The following LHX6 variants were observed in gnomAD, a reference collection of about 807,000 sequenced individuals.
LHX6 encodes LIM/homeobox protein Lhx6.
LHX6 carries 15 observed loss-of-function variants against 47.1 expected under a neutral mutation model. The observed-to-expected ratio is 0.32, with a 90% confidence interval of 0.21 to 0.49. The LOEUF (loss-of-function observed/expected upper bound fraction) is 0.49, where lower values mean the gene tolerates loss of function less well. Among genes scored for constraint, LHX6 ranks in the 20% least tolerant of loss-of-function variants. LHX6 has a pLI of 0.99. For synonymous variants in LHX6, 242 were observed against 233.5 expected (o/e 1.04, Z -0.33); for missense variants, 404 against 539.6 (o/e 0.75, Z 2.49).
At chr9:122,216,275 C>G (rs895837980) in intron 5 of LHX6, among the ~76,000 whole-genome samples, 9 of 152,156 alleles carry the variant, frequency 5.9e-5, no homozygotes, top group Non-Finnish European at 1.2e-4. Context: ...AGAAAGAGTC[C>G]CTGCCTCTGC....
In LHX6 at chr9:122,204,677, T is replaced by C. The variant is rs775368606; in HGVS notation, c.*83A>G. On this transcript the variant is annotated 3_prime_UTR_variant, in exon 10 of 10. Coordinates refer to ENST00000394319, the MANE Select transcript of LHX6 (RefSeq NM_014368.5). ...GTGGATGCGGAGGTGGGTGGACTCC[T>C]GGCCGCAGCTTGGACACTGGATCTC... 6.4e-7 allele frequency: 1 copy of C among 1,553,826 alleles called. No individual in the cohort carries two copies. The highest frequency in any genetic ancestry group is 8.7e-7 in the Non-Finnish European group (1 of 1,143,402).
At chr9:122,219,284 G>A (rs1003642113) in intron 4 of LHX6, among the ~76,000 whole-genome samples, 1 of 152,216 alleles carries the variant, frequency 6.6e-6, no homozygotes, top group Admixed American at 6.5e-5. Flanking sequence ...CCCTTCCGCA[G>A]GCGGCGCGGT....
Position 122,226,508 on chromosome 9 carries a change from G to C in LHX6, c.340-11C>G. 1 of 1,611,798 alleles carries C rather than the reference G, an allele frequency of 6.2e-7. No individual in the cohort carries two copies. The highest frequency in any genetic ancestry group is 1.7e-4 in the Middle Eastern group (1 of 6,026). On this transcript the variant is annotated splice_polypyrimidine_tract_variant and intron_variant, in intron 3 of 9. Transcript: ENST00000394319. This position sits in a 1 kb window ranked among gnomAD's most constrained non-coding sequence, Gnocchi z 6.5. ...GATGAGGTTGTTGACCTGGGGACGG[G>C]GCGGGGACGGAGGTCGGCTCAGCGC...
In LHX6 at chr9:122,214,078, C is replaced by G; in HGVS notation, c.784-9G>C. On this transcript the variant is annotated splice_polypyrimidine_tract_variant and intron_variant, in intron 6 of 9. Coordinates refer to ENST00000394319, the MANE Select transcript of LHX6 (RefSeq NM_014368.5). This position sits in a 1 kb window ranked among gnomAD's most constrained non-coding sequence, Gnocchi z 4.6. ...AACTGCGCCTGCATAACCTGCGGGG[C>G]GGGGAGGGCGGTGAGGCGCTCGCAC... is the stretch of plus-strand genomic sequence containing the variant. The G allele has an allele frequency of 6.3e-7, 1 of 1,597,484 alleles. No individual in the cohort carries two copies. The highest frequency in any genetic ancestry group is 2.2e-5 in the East Asian group (1 of 44,786).
At chr9:122,208,405 C>T in intron 9 of LHX6, among the ~76,000 whole-genome samples, 1 of 152,308 alleles carries the variant, frequency 6.6e-6, no homozygotes, top group Non-Finnish European at 1.5e-5. Flanking sequence ...TCTGCCTCCC[C>T]CTCCAGACTC....
At chr9:122,208,648 G>A (rs912433527) in intron 9 of LHX6, among the ~76,000 whole-genome samples, 7 of 151,898 alleles carry the variant, frequency 4.6e-5, no homozygotes, top group Admixed American at 2.0e-4. Context: ...CCTGGCCTAC[G>A]TGGCGAAACC....
intron 4 of LHX6, chr9:122,221,812 G>C (rs976100134): frequency 1.5e-6 from 1 of 683,390 alleles, no homozygotes; most frequent in African/African-American, 1.9e-5. Context: ...GCCCCACGAT[G>C]CACAGACGGG....
At chr9:122,206,237 G>C (rs955205238) in intron 9 of LHX6, among the ~76,000 whole-genome samples, 7 of 152,192 alleles carry the variant, frequency 4.6e-5, no homozygotes, top group African/African-American at 1.2e-4. Flanking sequence ...AGTGCTCAGA[G>C]CACTGTTCTC....
chr9:122,228,311 C>A (rs1487287912), intron 1 of LHX6: 1 of 1,534,822 alleles, frequency 6.5e-7, no homozygotes, highest in Admixed American at 2.0e-5. Flanking sequence ...GGGTACCGGC[C>A]CCGCGTCGGG....
At chr9:122,206,900 G>A (rs1830200401) in intron 9 of LHX6, among the ~76,000 whole-genome samples, 1 of 152,144 alleles carries the variant, frequency 6.6e-6, no homozygotes, top group South Asian at 2.1e-4. Context: ...CTTTGCACAT[G>A]CGGTTCTCTT....
chr9:122,210,140 G>T (rs1195899520), intron 8 of LHX6, among the ~76,000 whole-genome samples: 2 of 152,046 alleles, frequency 1.3e-5, no homozygotes, highest in Non-Finnish European at 2.9e-5. Flanking sequence ...GGACGGTCTT[G>T]ATCTCCTGAC....
intron 8 of LHX6, among the ~76,000 whole-genome samples, chr9:122,212,155 C>T (rs1247186199): frequency 2.0e-5 from 3 of 152,202 alleles, no homozygotes; most frequent in Non-Finnish European, 4.4e-5. Flanking sequence ...ATGCTCAGAA[C>T]ACTGCTTTGA....
chr9:122,215,192 T>C (rs1830549761), intron 5 of LHX6, among the ~76,000 whole-genome samples: 1 of 152,210 alleles, frequency 6.6e-6, no homozygotes, highest in South Asian at 2.1e-4. Flanking sequence ...TTGTTCACAA[T>C]TTATTGTAAC....
chr9:122,209,390 T>C (rs763264302), intron 9 of LHX6, among the ~76,000 whole-genome samples: 1 of 152,178 alleles, frequency 6.6e-6, no homozygotes, highest in Admixed American at 6.5e-5. Flanking sequence ...AAACTGCCAG[T>C]GGGGAGCTGC....
chr9:122,222,283 G>C (rs1408502987), intron 4 of LHX6, among the ~76,000 whole-genome samples: 1 of 152,226 alleles, frequency 6.6e-6, no homozygotes, highest in African/African-American at 2.4e-5. Flanking sequence ...CAGGGGAAAT[G>C]TGAATGTCCC....
chr9:122,220,808 G>A (rs117720852), intron 4 of LHX6, among the ~76,000 whole-genome samples: 1 of 152,354 alleles, frequency 6.6e-6, no homozygotes, highest in Non-Finnish European at 1.5e-5. Flanking sequence ...AAGGAGAGCA[G>A]AGATATCTGG....
In LHX6 at chr9:122,204,391, GA is replaced by G. The variant is rs893936596; in HGVS notation, c.*368del. 5.6e-5 allele frequency: 18 copies of G among 321,922 alleles called. No individual in the cohort carries two copies. In the South Asian group the frequency reaches 1.6e-3, roughly 29 times the overall value. The allele number at this position is 321,922 out of a possible 1,614,324, so 19.9% of individuals were successfully genotyped here. On this transcript the variant is annotated 3_prime_UTR_variant, in exon 10 of 10. Coordinates refer to ENST00000394319, the MANE Select transcript of LHX6 (RefSeq NM_014368.5). ...GTAGTAAATAAAGGCCAATGTGGGG[GA>G]AAAAAACCTGTAAATGAGAAGGCCG...
At chr9:122,206,054 TG>T (rs1199017828) in intron 9 of LHX6, among the ~76,000 whole-genome samples, 4 of 152,172 alleles carry the variant, frequency 2.6e-5, no homozygotes, top group African/African-American at 9.6e-5. Context: ...TTCCCCTCCA[TG>T]GGTCTCAGTC....
intron 4 of LHX6, among the ~76,000 whole-genome samples, chr9:122,224,252 C>T (rs758049716): frequency 6.6e-6 from 1 of 152,094 alleles, no homozygotes; most frequent in Non-Finnish European, 1.5e-5. Context: ...GTCTCGATCT[C>T]CTGACCTTGT....
Sources: gnomAD v4.1 joint callset for allele counts (sites outside exome capture counted in the v4.1 genomes callset) on GRCh38, gnomAD v4.1.1 for gene constraint, Gnocchi (gnomAD v3.1) non-coding constraint, MANE v1.5 for transcripts, NCBI Gene and HGNC (gene_info 2026-07-23, HGNC 2026-07-21) for gene names.